The following LRP1B variants were observed in gnomAD, a reference collection of about 807,000 sequenced individuals.
LRP1B encodes the protein low-density lipoprotein receptor-related protein 1B.
A neutral mutation model predicts 556.6 loss-of-function variants in LRP1B; 217 were observed. The observed-to-expected ratio is 0.39, with a 90% confidence interval of 0.35 to 0.44. The LOEUF (loss-of-function observed/expected upper bound fraction) is 0.44, where lower values mean the gene tolerates loss of function less well. Ranked by LOEUF, LRP1B falls within the 20% of genes least tolerant of loss-of-function variation. LRP1B has a pLI of 1.00. For missense variants in LRP1B, 5,053 were observed against 5,620.8 expected (o/e 0.90, Z 3.23); for synonymous variants, 2,047 against 1,865.8 (o/e 1.10, Z -2.50).
intron 43 of LRP1B, among the ~76,000 whole-genome samples, chr2:140,590,884 G>A (rs959202344): frequency 2.0e-5 from 3 of 152,086 alleles, no homozygotes; most frequent in South Asian, 2.1e-4. Context: ...TTCACTCTAC[G>A]CTTATCACTT....
intron 3 of LRP1B, among the ~76,000 whole-genome samples, chr2:141,472,387 A>G (rs902208376): frequency 3.2e-4 from 49 of 152,112 alleles, no homozygotes; most frequent in African/African-American, 1.2e-3. Flanking sequence ...TAAAAATACA[A>G]AAATTAGCCA....
intron 41 of LRP1B, among the ~76,000 whole-genome samples, chr2:140,651,890 A>T (rs1684702244): frequency 1.3e-5 from 2 of 152,180 alleles, no homozygotes; most frequent in Non-Finnish European, 2.9e-5. Context: ...GAAAATAGAT[A>T]ACATGGTTCT....
At chr2:141,965,462 T>A (rs1369308848) in intron 1 of LRP1B, among the ~76,000 whole-genome samples, 1 of 76,050 alleles carries the variant, frequency 1.3e-5, no homozygotes, top group Admixed American at 1.7e-4. Context: ...TGGATGAAAT[T>A]GGAAACCATC....
chr2:141,036,193 T>G (rs1418951982), intron 11 of LRP1B, among the ~76,000 whole-genome samples: 1 of 152,006 alleles, frequency 6.6e-6, no homozygotes, highest in Non-Finnish European at 1.5e-5. Flanking sequence ...TATTACTCTT[T>G]GTCAGAGCAT....
chr2:141,361,175 G>A (rs1298200382), intron 3 of LRP1B, among the ~76,000 whole-genome samples: 1 of 151,918 alleles, frequency 6.6e-6, no homozygotes, highest in Non-Finnish European at 1.5e-5. Context: ...TAGAAATATG[G>A]GACCAAAATC....
intron 1 of LRP1B, among the ~76,000 whole-genome samples, chr2:141,863,095 A>C (rs1698304632): frequency 6.6e-6 from 1 of 152,186 alleles, no homozygotes; most frequent in Non-Finnish European, 1.5e-5. Flanking sequence ...CCTATTGCCC[A>C]CTGGATGAAA....
At chr2:140,579,618 G>T (rs1244244640) in intron 43 of LRP1B, among the ~76,000 whole-genome samples, 1 of 152,138 alleles carries the variant, frequency 6.6e-6, no homozygotes, top group Admixed American at 6.5e-5. Context: ...GAGGTGGGCA[G>T]ATCACCTGAG....
intron 6 of LRP1B, among the ~76,000 whole-genome samples, chr2:141,205,397 A>G (rs1379842967): frequency 1.3e-5 from 2 of 152,232 alleles, no homozygotes; most frequent in African/African-American, 2.4e-5. Flanking sequence ...CATAGGATAG[A>G]TAACAATGAG....
chr2:141,143,538 G>T (rs1279221951), intron 7 of LRP1B, among the ~76,000 whole-genome samples: 1 of 152,060 alleles, frequency 6.6e-6, no homozygotes, highest in African/African-American at 2.4e-5. Flanking sequence ...AAATTCCTAG[G>T]ATCTTATTGG....
chr2:140,968,899 T>C (rs1696321881), intron 18 of LRP1B, among the ~76,000 whole-genome samples: 1 of 152,170 alleles, frequency 6.6e-6, no homozygotes, highest in Admixed American at 6.5e-5. Context: ...GAGAGACAGT[T>C]TGTTATAATT....
chr2:141,690,543 C>T lies in LRP1B; in HGVS notation c.205+119736G>A, dbSNP rs1379691926. 4.0e-5 allele frequency among the ~76,000 whole-genome samples: 6 copies of T among 148,656 alleles called. No homozygotes were observed. The East Asian group carries it at 1.2e-3, about 30-fold the overall frequency. On this transcript the variant is annotated intron_variant, in intron 2 of 90. Coordinates refer to ENST00000389484, the MANE Select transcript of LRP1B (RefSeq NM_018557.3). Reference sequence around the variant, plus strand: ...GGTTCATATAGAAGATGATCAGTTACAGTTGGGGTCAACTGCAAATAAACT... The same window carrying T: ...GGTTCATATAGAAGATGATCAGTTATAGTTGGGGTCAACTGCAAATAAACT...
intron 1 of LRP1B, among the ~76,000 whole-genome samples, chr2:141,828,472 G>C (rs1697007312): frequency 6.6e-6 from 1 of 152,128 alleles, no homozygotes. Flanking sequence ...AGGGATGGAG[G>C]ATAGATGTTA....
chr2:141,013,885 A>T (rs945450297), intron 13 of LRP1B, 140 bp from the exon 14 acceptor site: 2 of 505,510 alleles, frequency 4.0e-6, no homozygotes, highest in Admixed American at 4.3e-5. Context: ...GATTTAAAAA[A>T]TGGATTTCAC....
chr2:141,515,545 T>G (rs1189440505), intron 2 of LRP1B, among the ~76,000 whole-genome samples: 1 of 120,150 alleles, frequency 8.3e-6, no homozygotes, highest in East Asian at 2.5e-4. Context: ...TACTAGATAC[T>G]TAACAAATAT....
At chr2:141,146,602 G>T (rs970496951) in intron 7 of LRP1B, among the ~76,000 whole-genome samples, 2 of 152,148 alleles carry the variant, frequency 1.3e-5, no homozygotes, top group Non-Finnish European at 2.9e-5. Flanking sequence ...CTTTATTAAA[G>T]GGTAAGTGAT....
chr2:140,392,087 A>G lies in LRP1B; in HGVS notation c.10415-6078T>C, dbSNP rs180891774. 2.3e-4 allele frequency among the ~76,000 whole-genome samples: 35 copies of G among 152,320 alleles called. 3 individuals carry two copies. The highest frequency in any genetic ancestry group is 6.7e-4 in the African/African-American group (28 of 41,578). On this transcript the variant is annotated intron_variant, in intron 66 of 90. Coordinates refer to ENST00000389484, the MANE Select transcript of LRP1B (RefSeq NM_018557.3). ...AAAGAGGGATATTTACACATGTGAA[A>G]GGAAAATAAATCTCAGGACCCTAAA...
At chr2:141,072,083 T>G (rs1283658513) in intron 7 of LRP1B, among the ~76,000 whole-genome samples, 1 of 152,098 alleles carries the variant, frequency 6.6e-6, no homozygotes, top group Non-Finnish European at 1.5e-5. Flanking sequence ...TTTTGTCCAC[T>G]GATACAAACC....
intron 1 of LRP1B, among the ~76,000 whole-genome samples, chr2:141,965,659 G>C (rs1219327699): frequency 7.3e-6 from 1 of 137,494 alleles, no homozygotes; most frequent in African/African-American, 2.7e-5. Flanking sequence ...TGACGAGTTA[G>C]TGGGTGCAGC....
intron 1 of LRP1B, among the ~76,000 whole-genome samples, chr2:141,936,664 T>G (rs1359563879): frequency 6.6e-6 from 1 of 152,204 alleles, no homozygotes; most frequent in Non-Finnish European, 1.5e-5. Flanking sequence ...TCTTAGGAAC[T>G]GCCAAACTCT....
Sources: allele counts gnomAD v4.1 joint callset (sites outside exome capture counted in the v4.1 genomes callset), GRCh38; gene constraint gnomAD v4.1.1; transcripts MANE v1.5; gene names NCBI Gene and HGNC (gene_info 2026-07-23, HGNC 2026-07-21).